The following PML variants were observed in gnomAD, a reference collection of about 807,000 sequenced individuals.
PML encodes protein PML.
PML carries 28 observed loss-of-function variants against 65.2 expected under a neutral mutation model. The observed-to-expected ratio is 0.43, with a 90% CI of 0.32 to 0.59. The LOEUF (loss-of-function observed/expected upper bound fraction) is 0.59, where lower values mean the gene tolerates loss of function less well. PML is among the 20% of genes least tolerant of loss of function. PML has a pLI of 0.08. For synonymous variants in PML, 500 were observed against 508.8 expected, an observed-to-expected ratio of 0.98 and a Z score of 0.23; for missense variants, 1,021 against 1,203.4, an observed-to-expected ratio of 0.85 and a Z score of 2.24.
At position 74,033,218 on chromosome 15, in the gene PML, G is replaced by A. The variant is rs1163353594; in HGVS notation, c.1461G>A (p.Lys487=). Residue 487 remains lysine, a synonymous_variant, in exon 6 of 9, where the codon AAG becomes AAA. Transcript: ENST00000268058. The part of the protein sequence containing the change: ...RKCSQTQCPR[K]VIKMESEEGK... Reference sequence around the variant, plus strand: ...GCAGCCAGACCCAGTGCCCCAGGAAGGTCATCAAGATGGAGTCTGAGGAGG... The same window carrying A: ...GCAGCCAGACCCAGTGCCCCAGGAAAGTCATCAAGATGGAGTCTGAGGAGG... 1 of 1,614,210 alleles carries A rather than the reference G, an allele frequency of 6.2e-7. No homozygotes were observed. The highest frequency in any genetic ancestry group is 2.2e-5 in the East Asian group (1 of 44,882).
intron 2 of PML, among the ~76,000 whole-genome samples, chr15:74,002,121 A>G (rs2141725497): frequency 6.6e-6 from 1 of 152,112 alleles, no homozygotes; most frequent in South Asian, 2.1e-4. Flanking sequence ...CTGGAATGTG[A>G]TGGTGCGATT....
Position 73,998,279 on chromosome 15 carries a change from G to T in PML, c.405G>T (p.Ser135=). 1 of 1,614,178 alleles carries T rather than the reference G, an allele frequency of 6.2e-7. No individual in the cohort carries two copies. Among genetic ancestry groups the T allele is most frequent in the Non-Finnish European group, 8.5e-7 (1 of 1,180,028 alleles). ...CTGTGTGCACCCGCTGCAAAGAGTCGGCCGACTTCTGGTGCTTTGAGTGCG... is the reference window on the plus strand; with the variant it reads ...CTGTGTGCACCCGCTGCAAAGAGTCTGCCGACTTCTGGTGCTTTGAGTGCG... ...AQAVCTRCKE[S]ADFWCFECEQ... Residue 135 remains serine, a synonymous_variant, in exon 2 of 9, where the codon TCG becomes TCT. Transcript: ENST00000268058.
chr15:74,008,087 C>T lies in PML; in HGVS notation c.602+9611C>T, dbSNP rs576381551. The stretch of plus-strand genomic sequence containing the variant: ...CTGAGCTCAGAAAAGGCCACTTACC[C>T]TGCTGGGATCAGCTGGGGAAGGTGG... On this transcript the variant is annotated intron_variant, in intron 2 of 8. Transcript: ENST00000268058. Among the ~76,000 whole-genome samples, 9 of 152,310 alleles carry T rather than the reference C, an allele frequency of 5.9e-5. No individual in the cohort carries two copies. In the East Asian group the frequency reaches 1.7e-3, roughly 29 times the overall value.
Position 73,998,098 on chromosome 15 carries a change from C to T in PML, c.224C>T (p.Thr75Met). 6.2e-7 allele frequency: 1 copy of T among 1,613,898 alleles called. No individual in the cohort carries two copies. Among genetic ancestry groups the T allele is most frequent in the Non-Finnish European group, 8.5e-7 (1 of 1,180,038 alleles). The change falls in exon 2 of 9, where the codon ACG becomes ATG. Residue 75 changes from threonine to methionine, a missense_variant. Physicochemically the swap from Thr to Met is moderately conservative, Grantham distance 81. Coordinates refer to ENST00000268058, the MANE Select transcript of PML (RefSeq NM_033238.3). The stretch of plus-strand genomic sequence containing the variant: ...CCGAAGCTGCTGCCTTGTCTGCACA[C>T]GCTGTGCTCAGGATGCCTGGAGGCG... ...KCPKLLPCLH[T>M]LCSGCLEASG... is the part of the protein sequence containing the mutation.
chr15:74,043,447 A>C lies in PML; in HGVS notation c.1861+308A>C. 3.1e-6 allele frequency: 4 copies of C among 1,287,468 alleles called. No individual in the cohort carries two copies. The highest frequency in any genetic ancestry group is 2.9e-5 in the East Asian group (1 of 34,844). 79.8% of individuals were successfully genotyped at this position (1,287,468 alleles called of 1,614,324 possible). A position where few individuals can be genotyped will look rare whatever the true frequency, so the allele number is the denominator to read the frequency against. On this transcript the variant is annotated intron_variant, in intron 8 of 8. Coordinates refer to ENST00000268058, the MANE Select transcript of PML (RefSeq NM_033238.3). This position sits in a 1 kb window ranked among gnomAD's most constrained non-coding sequence, Gnocchi z 4.3. ...GAACACACTCCTAGACAGAAACACAATGCGTGAGCTCATTGCCGTGAGCCC... is the reference window on the plus strand; with the variant it reads ...GAACACACTCCTAGACAGAAACACACTGCGTGAGCTCATTGCCGTGAGCCC...
chr15:74,043,423 A>T lies in PML; in HGVS notation c.1861+284A>T. On this transcript the variant is annotated intron_variant, in intron 8 of 8. Transcript: ENST00000268058. This position sits in a 1 kb window ranked among gnomAD's most constrained non-coding sequence, Gnocchi z 4.3. ...CTTCTCTCAGACAGAGAGCCTGGGG[A>T]ACACACTCCTAGACAGAAACACAAT... 7.2e-7 allele frequency: 1 copy of T among 1,397,608 alleles called. No individual in the cohort carries two copies. The highest frequency in any genetic ancestry group is 9.3e-7 in the Non-Finnish European group (1 of 1,073,418). 86.6% of individuals were successfully genotyped at this position (1,397,608 alleles called of 1,614,324 possible). A position where few individuals can be genotyped will look rare whatever the true frequency, so the allele number is the denominator to read the frequency against.
Position 74,035,403 on chromosome 15 carries a change from C to G in PML, c.1710+873C>G. On this transcript the variant is annotated intron_variant, in intron 7 of 8. Transcript: ENST00000268058. This position sits in a 1 kb window ranked among gnomAD's most constrained non-coding sequence, Gnocchi z 4.1. ...CAGCGAGCCTCCTGATCACCAGGAG[C>G]GCCCTGCCGTCCACCGTGGGATCCG... The G allele has an allele frequency of 6.2e-7, 1 of 1,611,758 alleles. No homozygotes were observed. The highest frequency in any genetic ancestry group is 8.5e-7 in the Non-Finnish European group (1 of 1,179,972).
At chr15:74,005,736 C>T (rs2070013808) in intron 2 of PML, among the ~76,000 whole-genome samples, 1 of 152,212 alleles carries the variant, frequency 6.6e-6, no homozygotes. Flanking sequence ...GTTTCCTACA[C>T]GATCCCCTTT....
chr15:74,018,656 T>A (rs2070704069), intron 2 of PML, among the ~76,000 whole-genome samples: 1 of 152,226 alleles, frequency 6.6e-6, no homozygotes, highest in Non-Finnish European at 1.5e-5. Flanking sequence ...TAGAATTTTT[T>A]AAATAGCTGC....
intron 6 of PML, chr15:74,034,041 T>C: frequency 2.9e-6 from 1 of 348,682 alleles, no homozygotes; most frequent in Non-Finnish European, 5.4e-6. Flanking sequence ...TGACTGATAT[T>C]CCTTACCCAC....
intron 1 of PML, among the ~76,000 whole-genome samples, chr15:73,995,864 C>G (rs1428040033): frequency 6.6e-6 from 1 of 152,192 alleles, no homozygotes; most frequent in African/African-American, 2.4e-5. Context: ...ACGCCATTCT[C>G]CTGCCTCAGC....
At chr15:74,033,725 TA>T in intron 6 of PML, 1 of 614,424 alleles carries the variant, frequency 1.6e-6, no homozygotes. Flanking sequence ...GGCTGATGCC[TA>T]GCATACTCCC....
In PML at chr15:74,023,406, A is replaced by C. The variant is rs763855841; in HGVS notation, c.1181A>C (p.Lys394Thr). The C allele has an allele frequency of 1.9e-6, 3 of 1,598,070 alleles. No individual in the cohort carries two copies. Among genetic ancestry groups the C allele is most frequent in the South Asian group, 1.1e-5 (1 of 90,998 alleles). ...CTCAGCTCTTGCATCACCCAGGGGA[A>C]AGGTAAGCACGCACGCCACCTTCCT... ...QDLSSCITQGKDAAVSKKASP... is the reference protein window; with the variant it reads ...QDLSSCITQGTDAAVSKKASP... Residue 394 changes from lysine to threonine, a missense_variant and splice_region_variant, in exon 3 of 9, where the codon AAA becomes ACA. Lys to Thr is a moderately conservative substitution (Grantham distance 78). Transcript: ENST00000268058.
chr15:74,001,588 G>C (rs1278924136), intron 2 of PML, among the ~76,000 whole-genome samples: 2 of 151,978 alleles, frequency 1.3e-5, no homozygotes, highest in African/African-American at 4.8e-5. Context: ...TGATCCACCC[G>C]CCTCAGTCTC....
Position 74,023,250 on chromosome 15 carries a change from A to G in PML, c.1025A>G (p.Asp342Gly). The change falls in exon 3 of 9, where the codon GAC becomes GGC. Residue 342 changes from aspartate to glycine, a missense_variant. Asp to Gly is a moderately conservative substitution (Grantham distance 94). Transcript: ENST00000268058. Reference sequence around the variant, plus strand: ...CAGAGGATGAAGTGCTACGCCTCGGACCAGGAGGTGCTGGACATGCACGGT... The same window carrying G: ...CAGAGGATGAAGTGCTACGCCTCGGGCCAGGAGGTGCTGGACATGCACGGT... ...LVQRMKCYAS[D>G]QEVLDMHGFL... 6.2e-7 allele frequency: 1 copy of G among 1,611,080 alleles called. No individual in the cohort carries two copies. The highest frequency in any genetic ancestry group is 8.5e-7 in the Non-Finnish European group (1 of 1,179,594).
At position 74,044,329 on chromosome 15, in the gene PML, TG is replaced by T; in HGVS notation, c.1974del (p.Leu659CysfsTer8). 1.2e-6 allele frequency: 2 copies of T among 1,614,080 alleles called. No individual in the cohort carries two copies. The highest frequency in any genetic ancestry group is 1.7e-6 in the Non-Finnish European group (2 of 1,179,980). ...SIYSKAVSLE[V>X]GLQHFLSFLS... ...TACTCCAAGGCCGTGTCCCTGGAGGTGGGGCTGCAGCACTTCCTCAGCTTTC... is the reference window on the plus strand; with the variant it reads ...TACTCCAAGGCCGTGTCCCTGGAGGTGGGCTGCAGCACTTCCTCAGCTTTC... On this transcript the variant is annotated frameshift_variant, in exon 9 of 9. Coordinates refer to ENST00000268058, the MANE Select transcript of PML (RefSeq NM_033238.3). LOFTEE classifies it low-confidence loss of function (END_TRUNC).
chr15:74,024,871 A>C lies in PML; in HGVS notation c.1198A>C (p.Lys400Gln), dbSNP rs2071004041. ...ITQGKDAAVS[K>Q]KASPEAASTP... is the part of the protein sequence containing the mutation. ...GTGTTCTACAGATGCAGCTGTATCC[A>C]AGAAAGCCAGCCCAGAGGCTGCCAG... The change falls in exon 4 of 9, where the codon AAG (lysine) becomes CAG (glutamine). Residue 400 changes from lysine (K) to glutamine (Q), a missense_variant. Physicochemically the swap from Lys to Gln is moderately conservative, Grantham distance 53. Coordinates refer to ENST00000268058, the MANE Select transcript of PML (RefSeq NM_033238.3). 2.5e-6 allele frequency: 4 copies of C among 1,613,808 alleles called. No homozygotes were observed. Among genetic ancestry groups the C allele is most frequent in the African/African-American group, 1.3e-5 (1 of 75,036 alleles).
intron 2 of PML, among the ~76,000 whole-genome samples, chr15:74,009,876 G>A (rs951859687): frequency 2.0e-5 from 3 of 152,148 alleles, no homozygotes; most frequent in South Asian, 2.1e-4. Context: ...TTAAAGCAGC[G>A]CAAGCCAAGA....
intron 7 of PML, chr15:74,036,245 C>T (rs2071556110): frequency 1.3e-6 from 2 of 1,509,334 alleles, no homozygotes; most frequent in Admixed American, 4.1e-5. Flanking sequence ...ATTCTGAGTC[C>T]CTGGCCAATA....
Sources: gnomAD v4.1 joint callset for allele counts (sites outside exome capture counted in the v4.1 genomes callset) on GRCh38, gnomAD v4.1.1 for gene constraint, Gnocchi (gnomAD v3.1) non-coding constraint, MANE v1.5 for transcripts, NCBI Gene and HGNC (gene_info 2026-07-23, HGNC 2026-07-21) for gene names.